The following FSTL5 variants were observed in gnomAD, a reference collection of about 807,000 sequenced individuals.
FSTL5 encodes the protein follistatin-related protein 5.
A neutral mutation model predicts 89.1 loss-of-function variants in FSTL5; 62 were observed. That is an observed-to-expected ratio of 0.70 (90% CI 0.57 to 0.86). The LOEUF (loss-of-function observed/expected upper bound fraction) is 0.86. FSTL5 is among the 40% of genes least tolerant of loss of function. FSTL5 has a pLI of 0.00. For synonymous variants in FSTL5, 383 were observed against 346.2 expected (o/e 1.11, Z -1.18); for missense variants, 1,057 against 1,001.6 (o/e 1.06, Z -0.75).
At chr4:161,406,589 T>A (rs1731386555) in intron 15 of FSTL5, among the ~76,000 whole-genome samples, 1 of 152,162 alleles carries the variant, frequency 6.6e-6, no homozygotes, top group Non-Finnish European at 1.5e-5. Context: ...GTCTGGAGTT[T>A]TGATCCATTA....
At chr4:161,467,221 T>C (rs1733777996) in intron 13 of FSTL5, among the ~76,000 whole-genome samples, 1 of 152,146 alleles carries the variant, frequency 6.6e-6, no homozygotes, top group Admixed American at 6.5e-5. Context: ...CCACTTTTTA[T>C]AATGTTTGGG....
chr4:161,412,925 G>T (rs759808092), intron 15 of FSTL5, among the ~76,000 whole-genome samples: 45 of 152,060 alleles, frequency 3.0e-4, no homozygotes, highest in Non-Finnish European at 5.3e-4. Flanking sequence ...ATTCAAAATG[G>T]ATCAAAGATT....
At chr4:161,403,594 A>T (rs1051389269) in intron 15 of FSTL5, among the ~76,000 whole-genome samples, 2 of 152,186 alleles carry the variant, frequency 1.3e-5, no homozygotes, top group Non-Finnish European at 1.5e-5. Context: ...CAGGTTTTAT[A>T]ATAGAAAATT....
intron 3 of FSTL5, among the ~76,000 whole-genome samples, chr4:162,019,925 G>A (rs1469765775): frequency 6.7e-6 from 1 of 149,278 alleles, no homozygotes; most frequent in Non-Finnish European, 1.5e-5. Context: ...ACATTGTTGT[G>A]AATTTAATAT....
intron 4 of FSTL5, among the ~76,000 whole-genome samples, chr4:161,903,837 T>C (rs939906988): frequency 2.0e-5 from 3 of 151,978 alleles, no homozygotes; most frequent in Non-Finnish European, 4.4e-5. Context: ...AAAGACTGAA[T>C]GTCCTTGGCC....
At chr4:161,479,683 C>A (rs1287428561) in intron 13 of FSTL5, among the ~76,000 whole-genome samples, 3 of 152,032 alleles carry the variant, frequency 2.0e-5, no homozygotes, top group Admixed American at 2.0e-4. Context: ...ATTGTATATT[C>A]ATAAAAAATG....
chr4:162,150,616 A>C (rs981148940), intron 1 of FSTL5, among the ~76,000 whole-genome samples: 3 of 152,224 alleles, frequency 2.0e-5, no homozygotes, highest in Non-Finnish European at 4.4e-5. Context: ...ACTAATAAGC[A>C]AATGTAAATA....
chr4:162,123,769 C>T lies in FSTL5; in HGVS notation c.-16-12357G>A, dbSNP rs769005457. Among the ~76,000 whole-genome samples, 11 of 151,504 alleles carry T rather than the reference C, an allele frequency of 7.3e-5. 1 individual carries two copies. The highest frequency in any genetic ancestry group is 1.5e-4 in the Non-Finnish European group (10 of 67,928). ...AATTGAGTTTGTTTTCAGCAAGAGA[C>T]ATATAACTTACATTTTATTTTGGAC... On this transcript the variant is annotated intron_variant, in intron 1 of 15. Coordinates refer to ENST00000306100, the MANE Select transcript of FSTL5 (RefSeq NM_020116.5).
chr4:161,439,148 G>A (rs1200288406), intron 15 of FSTL5, among the ~76,000 whole-genome samples: 1 of 152,124 alleles, frequency 6.6e-6, no homozygotes, highest in Non-Finnish European at 1.5e-5. Flanking sequence ...CTTGTAAAAT[G>A]ATGTAATATT....
At chr4:162,149,479 T>A (rs11724210) in intron 1 of FSTL5, among the ~76,000 whole-genome samples, 5,524 of 89,114 alleles carry the variant, frequency 0.062, 148 homozygotes, top group Non-Finnish European at 0.089. Context: ...ATGTAAAATT[T>A]AAAAAAAAAA....
intron 5 of FSTL5, among the ~76,000 whole-genome samples, chr4:161,769,541 T>A (rs909884450): frequency 4.6e-5 from 7 of 151,954 alleles, no homozygotes; most frequent in African/African-American, 1.7e-4. Context: ...CTTACTCAAA[T>A]AAATCAATGT....
chr4:161,734,066 C>T (rs1739709091), intron 6 of FSTL5, among the ~76,000 whole-genome samples: 1 of 152,024 alleles, frequency 6.6e-6, no homozygotes. Flanking sequence ...AGCTCCATTT[C>T]ATATTCAATG....
chr4:161,540,490 C>A (rs1047375259), intron 9 of FSTL5, among the ~76,000 whole-genome samples: 1 of 152,068 alleles, frequency 6.6e-6, no homozygotes, highest in Non-Finnish European at 1.5e-5. Flanking sequence ...ACTTTCTGTT[C>A]CTAGTTTCAC....
intron 6 of FSTL5, among the ~76,000 whole-genome samples, chr4:161,693,743 A>G (rs2126722290): frequency 7.1e-6 from 1 of 141,456 alleles, no homozygotes; most frequent in East Asian, 2.2e-4. Flanking sequence ...GGTTCACGCC[A>G]TTCTCCTGCC....
At chr4:161,480,019 C>T (rs1256191785) in intron 13 of FSTL5, among the ~76,000 whole-genome samples, 1 of 152,010 alleles carries the variant, frequency 6.6e-6, no homozygotes, top group Non-Finnish European at 1.5e-5. Context: ...AATGTGTAGT[C>T]CTACTTTGAA....
chr4:161,836,729 T>G (rs1241925735), intron 4 of FSTL5, among the ~76,000 whole-genome samples: 3 of 151,952 alleles, frequency 2.0e-5, no homozygotes, highest in African/African-American at 7.2e-5. Context: ...TTAAAGATAT[T>G]GTGAAATTTT....
At chr4:161,894,004 T>C (rs1259664369) in intron 4 of FSTL5, among the ~76,000 whole-genome samples, 1 of 152,186 alleles carries the variant, frequency 6.6e-6, no homozygotes, top group East Asian at 1.9e-4. Flanking sequence ...TGTAGAAACA[T>C]AGGTATGGTT....
At chr4:161,405,563 A>G (rs541285612) in intron 15 of FSTL5, among the ~76,000 whole-genome samples, 1 of 152,304 alleles carries the variant, frequency 6.6e-6, no homozygotes, top group East Asian at 1.9e-4. Context: ...TGAAACACTA[A>G]CAAGTGTACC....
In FSTL5 at chr4:161,582,662, C is replaced by T. The variant is rs1207466687; in HGVS notation, c.1015+4793G>A. Among the ~76,000 whole-genome samples the T allele has an allele frequency of 3.3e-5, 5 of 152,112 alleles. No homozygotes were observed. In the South Asian group the frequency reaches 6.2e-4, roughly 19 times the overall value. ...TTCTAGATATGTTATTATAAAGTGTCATTATTCTATTTTTTGTTTGGCAAA... is the reference window on the plus strand; with the variant it reads ...TTCTAGATATGTTATTATAAAGTGTTATTATTCTATTTTTTGTTTGGCAAA... On this transcript the variant is annotated intron_variant, in intron 8 of 15. Transcript: ENST00000306100.
Sources: allele counts gnomAD v4.1 joint callset (sites outside exome capture counted in the v4.1 genomes callset), GRCh38; gene constraint gnomAD v4.1.1; transcripts MANE v1.5; gene names NCBI Gene and HGNC (gene_info 2026-07-23, HGNC 2026-07-21).